The following TIAM1 variants were observed in gnomAD, a reference collection of about 807,000 sequenced individuals.
The protein encoded by TIAM1 is TIAM Rac1 associated GEF 1, also known as rho guanine nucleotide exchange factor TIAM1.
In TIAM1, 65 loss-of-function variants were observed where a neutral mutation model predicts 163.5. The observed-to-expected ratio is 0.40, with a 90% CI of 0.33 to 0.49. TIAM1 has a LOEUF of 0.49. Among genes scored for constraint, TIAM1 ranks in the 20% least tolerant of loss-of-function variants. The pLI is 0.77. For synonymous variants in TIAM1, 833 were observed against 810.1 expected, an observed-to-expected ratio of 1.03 and a Z score of -0.48; for missense variants, 1,789 against 2,044.7, an observed-to-expected ratio of 0.87 and a Z score of 2.41.
At chr21:31,500,708 T>C (rs2046820215) in intron 1 of TIAM1, among the ~76,000 whole-genome samples, 1 of 152,110 alleles carries the variant, frequency 6.6e-6, no homozygotes, top group Non-Finnish European at 1.5e-5. Flanking sequence ...GGGAGGCCTC[T>C]ACAAGTCAAG....
intron 2 of TIAM1, among the ~76,000 whole-genome samples, chr21:31,326,738 C>T (rs1601972903): frequency 6.6e-6 from 1 of 152,200 alleles, no homozygotes; most frequent in South Asian, 2.1e-4. Flanking sequence ...CCCTAAGTTT[C>T]TTGCAGTGGT....
chr21:31,474,649 G>A (rs921089517), intron 1 of TIAM1, among the ~76,000 whole-genome samples: 5 of 151,310 alleles, frequency 3.3e-5, no homozygotes, highest in Admixed American at 2.0e-4. Context: ...GGGTTCAAGC[G>A]ATTCTCCTGC....
intron 27 of TIAM1, 40 bp downstream of exon 27, chr21:31,124,482 G>A: frequency 6.2e-7 from 1 of 1,609,292 alleles, no homozygotes; most frequent in South Asian, 1.1e-5. Context: ...CTGCGGAGTG[G>A]GGGTGACGGG....
intron 2 of TIAM1, among the ~76,000 whole-genome samples, chr21:31,441,242 G>A (rs1489872458): frequency 6.6e-6 from 1 of 152,206 alleles, no homozygotes; most frequent in Non-Finnish European, 1.5e-5. Context: ...AGGGTTGGAA[G>A]GAACTTAGCA....
At chr21:31,352,837 T>C (rs1380413099) in intron 2 of TIAM1, among the ~76,000 whole-genome samples, 1 of 151,234 alleles carries the variant, frequency 6.6e-6, no homozygotes, top group East Asian at 1.9e-4. Flanking sequence ...ATCATGCCAC[T>C]GCACTGTAGC....
rs748093273 is a variant in TIAM1 at position 31,136,036 on chromosome 21, T to A, written c.3780A>T (p.Ala1260=). 8.7e-6 allele frequency: 14 copies of A among 1,612,884 alleles called. No homozygotes were observed. The highest frequency in any genetic ancestry group is 1.3e-5 in the African/African-American group (1 of 74,918). The change falls in exon 23 of 28, where the codon GCA becomes GCT. Residue 1260 remains alanine, a synonymous_variant. Coordinates refer to ENST00000541036, the MANE Select transcript of TIAM1 (RefSeq NM_001353694.2). ...AEQTGEKKEV[A]DLSMGDLLLH... ...AAAGCAGGTCTCCCATGCTCAGATC[T>A]GCAACCTGAAAGCCAGAGACGTGAC...
rs956475209 is a variant in TIAM1 at position 31,141,057 on chromosome 21, A to G, written c.3774+61T>C. 1 of 1,320,944 alleles carries G rather than the reference A, an allele frequency of 7.6e-7. No individual in the cohort carries two copies. The highest frequency in any genetic ancestry group is 1.1e-6 in the Non-Finnish European group (1 of 951,612). 81.8% of individuals were successfully genotyped at this position (1,320,944 alleles called of 1,614,324 possible). Reference sequence around the variant, plus strand: ...ACCTTTTTAAAAAATAAATAAATAAATAAAAGCAAACTCAAACTCGGCTTT... The same window carrying G: ...ACCTTTTTAAAAAATAAATAAATAAGTAAAAGCAAACTCAAACTCGGCTTT... On this transcript the variant is annotated intron_variant, in intron 22 of 27. Transcript: ENST00000541036. The surrounding 1 kb of genome is among the most constrained non-coding windows in gnomAD (Gnocchi z 4.7).
intron 2 of TIAM1, among the ~76,000 whole-genome samples, chr21:31,389,129 C>A (rs938991989): frequency 1.3e-5 from 2 of 152,216 alleles, no homozygotes; most frequent in African/African-American, 2.4e-5. Context: ...TGGATGCTGA[C>A]ATTTGAATTT....
At chr21:31,376,415 C>T (rs567535649) in intron 2 of TIAM1, among the ~76,000 whole-genome samples, 1 of 152,162 alleles carries the variant, frequency 6.6e-6, no homozygotes, top group African/African-American at 2.4e-5. Flanking sequence ...TGCACCCTCT[C>T]CATTTCATGT....
intron 13 of TIAM1, among the ~76,000 whole-genome samples, chr21:31,192,872 A>G (rs1487304855): frequency 1.3e-5 from 2 of 152,174 alleles, no homozygotes; most frequent in African/African-American, 4.8e-5. Flanking sequence ...CAGCTGCTCC[A>G]GACCTGGGTG....
intron 4 of TIAM1, among the ~76,000 whole-genome samples, chr21:31,259,375 G>A (rs1302826293): frequency 2.0e-5 from 3 of 151,878 alleles, no homozygotes; most frequent in Non-Finnish European, 4.4e-5. Flanking sequence ...GAGCTCAAGC[G>A]ATCCTCCCAC....
intron 1 of TIAM1, among the ~76,000 whole-genome samples, chr21:31,342,000 C>T (rs941030916): frequency 5.9e-5 from 9 of 152,174 alleles, no homozygotes; most frequent in Non-Finnish European, 8.8e-5. Flanking sequence ...GGAAACATAT[C>T]TACAGATACT....
At chr21:31,451,871 C>T (rs530737520) in intron 2 of TIAM1, among the ~76,000 whole-genome samples, 10 of 151,994 alleles carry the variant, frequency 6.6e-5, no homozygotes, top group African/African-American at 2.4e-4. Context: ...TTTGAGAGTA[C>T]TTCGTAAGTG....
At chr21:31,197,357 T>G (rs1041187565) in intron 12 of TIAM1, among the ~76,000 whole-genome samples, 1 of 152,002 alleles carries the variant, frequency 6.6e-6, no homozygotes, top group African/African-American at 2.4e-5. Flanking sequence ...TTTAAATTAA[T>G]CAATATTTCA....
chr21:31,552,322 AAAAATATAATTTATGTCAG>A (rs2048720063), intron 1 of TIAM1, among the ~76,000 whole-genome samples: 1 of 152,188 alleles, frequency 6.6e-6, no homozygotes, highest in Non-Finnish European at 1.5e-5. Flanking sequence ...TGCATGAAAT[AAAAATATAATTTATGTCAG>A]AAAAAATATT....
chr21:31,337,895 A>G (rs2075896226), intron 2 of TIAM1, among the ~76,000 whole-genome samples: 1 of 152,048 alleles, frequency 6.6e-6, no homozygotes. Context: ...TGATAATACA[A>G]TGTGTCTGTA....
chr21:31,534,371 A>G (rs1464547236), intron 1 of TIAM1, among the ~76,000 whole-genome samples: 19 of 152,236 alleles, frequency 1.2e-4, no homozygotes, highest in Non-Finnish European at 1.5e-5. Context: ...GTTCCAGGAC[A>G]AACCAAAGAA....
Position 31,182,526 on chromosome 21 carries a change from G to T in TIAM1, c.2782C>A (p.Pro928Thr). The T allele has an allele frequency of 6.2e-7, 1 of 1,613,968 alleles. No homozygotes were observed. Among genetic ancestry groups the T allele is most frequent in the Non-Finnish European group, 8.5e-7 (1 of 1,179,930 alleles). The change falls in exon 15 of 28, where the codon CCC becomes ACC. Residue 928 changes from proline (P) to threonine (T), a missense_variant. By Grantham distance (38) the Pro-to-Thr change is conservative (BLOSUM62 -1). Transcript: ENST00000541036. ...PSLGLLVRTY[P>T]ELEEGVELLE... ...AGCTCCACTCCTTCCTCCAGCTCGG[G>T]GTAGGTCCTCACCAGGAGGCCCAGC... is the stretch of plus-strand genomic sequence containing the variant.
At chr21:31,230,960 T>A (rs1348840487) in intron 6 of TIAM1, among the ~76,000 whole-genome samples, 1 of 152,106 alleles carries the variant, frequency 6.6e-6, no homozygotes, top group Non-Finnish European at 1.5e-5. Context: ...GACCATTCAA[T>A]ATTTTGAGCT....
Sources: allele counts gnomAD v4.1 joint callset (sites outside exome capture counted in the v4.1 genomes callset), GRCh38; gene constraint gnomAD v4.1.1; non-coding constraint Gnocchi (gnomAD v3.1); transcripts MANE v1.5; gene names NCBI Gene and HGNC (gene_info 2026-07-23, HGNC 2026-07-21).